The following MAP3K7CL variants were observed in gnomAD, a reference collection of about 807,000 sequenced individuals.
The protein encoded by MAP3K7CL is MAP3K7 C-terminal-like protein.
MAP3K7CL carries 16 observed loss-of-function variants against 18.6 expected under a neutral mutation model. That is an observed-to-expected ratio of 0.86 (90% CI 0.58 to 1.31). The LOEUF is 1.31. Among genes scored for constraint, MAP3K7CL ranks in the 50% most tolerant of loss-of-function variants. The pLI, the probability that MAP3K7CL is intolerant of heterozygous loss-of-function variation, is 0.00. For missense variants in MAP3K7CL, 163 were observed against 174.4 expected (o/e 0.93, Z 0.37); for synonymous variants, 65 against 66.8 (o/e 0.97, Z 0.13).
At chr21:29,118,225 C>T in intron 4 of MAP3K7CL, among the ~76,000 whole-genome samples, 1 of 142,336 alleles carries the variant, frequency 7.0e-6, no homozygotes, top group Non-Finnish European at 1.5e-5. Flanking sequence ...GCTGGGATTA[C>T]AGGTGCGTGC....
At chr21:29,152,214 T>C (rs897266222) in intron 3 of MAP3K7CL, among the ~76,000 whole-genome samples, 8 of 152,246 alleles carry the variant, frequency 5.3e-5, no homozygotes, top group Non-Finnish European at 1.2e-4. Context: ...CGTGAGTGAC[T>C]AAACAGCAAG....
intron 2 of MAP3K7CL, among the ~76,000 whole-genome samples, chr21:29,140,374 T>TA (rs2086979721): frequency 6.6e-6 from 1 of 151,998 alleles, no homozygotes; most frequent in South Asian, 2.1e-4. Flanking sequence ...TACTAAGGAG[T>TA]AGTGCTTTTA....
At chr21:29,159,882 G>A in intron 3 of MAP3K7CL, 59 bp from the exon 4 acceptor site, 1 of 1,362,470 alleles carries the variant, frequency 7.3e-7, no homozygotes, top group Non-Finnish European at 1.0e-6. Flanking sequence ...CGAGCAAAAT[G>A]GTTGGTAATT....
chr21:29,082,251 A>C (rs560528443), upstream of MAP3K7CL, among the ~76,000 whole-genome samples: 112 of 152,332 alleles, frequency 7.4e-4, no homozygotes, highest in Non-Finnish European at 1.8e-4. Flanking sequence ...AAGTTCAGGC[A>C]CTGCATTAGT....
intron 4 of MAP3K7CL, among the ~76,000 whole-genome samples, chr21:29,103,311 G>A (rs1468767805): frequency 6.6e-6 from 1 of 152,140 alleles, no homozygotes; most frequent in Admixed American, 6.5e-5. Context: ...AAGGTTCATG[G>A]CTGGGCATGG....
At chr21:29,130,624 C>T (rs1207729471), upstream of MAP3K7CL, 1 of 985,298 alleles carries the variant, frequency 1.0e-6, no homozygotes, top group East Asian at 1.1e-4. Flanking sequence ...TTCTTTTGCT[C>T]TTGCTTTTTC....
At chr21:29,082,251 A>G (rs560528443), upstream of MAP3K7CL, among the ~76,000 whole-genome samples, 1 of 152,216 alleles carries the variant, frequency 6.6e-6, no homozygotes. Flanking sequence ...AAGTTCAGGC[A>G]CTGCATTAGT....
chr21:29,092,133 G>A (rs1256868473), intron 3 of MAP3K7CL: 2 of 389,474 alleles, frequency 5.1e-6, no homozygotes, highest in African/African-American at 4.0e-5. Flanking sequence ...AATTCTAGAA[G>A]TGGTAGAAAT....
chr21:29,129,509 G>C (rs2086739768), upstream of MAP3K7CL, among the ~76,000 whole-genome samples: 1 of 152,072 alleles, frequency 6.6e-6, no homozygotes, highest in Non-Finnish European at 1.5e-5. Flanking sequence ...TCTTTTTGTG[G>C]CTTGATAGTT....
intron 4 of MAP3K7CL, among the ~76,000 whole-genome samples, chr21:29,093,649 T>A (rs2086069573): frequency 6.6e-6 from 1 of 151,594 alleles, no homozygotes; most frequent in African/African-American, 2.4e-5. Context: ...GCCGGGCTAA[T>A]TTTTTGTATT....
intron 4 of MAP3K7CL, among the ~76,000 whole-genome samples, chr21:29,114,801 T>C (rs1293616182): frequency 6.6e-6 from 1 of 152,170 alleles, no homozygotes; most frequent in Non-Finnish European, 1.5e-5. Flanking sequence ...CCTGGATTAA[T>C]GGGAATGTCT....
At chr21:29,162,775 G>A (rs183473566) in intron 4 of MAP3K7CL, among the ~76,000 whole-genome samples, 5 of 151,756 alleles carry the variant, frequency 3.3e-5, no homozygotes, top group African/African-American at 9.7e-5. Context: ...TACATTGAAA[G>A]CAATGATAAC....
intron 2 of MAP3K7CL, among the ~76,000 whole-genome samples, chr21:29,141,654 A>G (rs979806484): frequency 6.6e-6 from 1 of 152,170 alleles, no homozygotes; most frequent in Non-Finnish European, 1.5e-5. Context: ...ATGTTTATTA[A>G]TTTACAAAGT....
Position 29,175,431 on chromosome 21 carries a change from T to C in MAP3K7CL, c.*539T>C, listed in dbSNP as rs957832912. On this transcript the variant is annotated 3_prime_UTR_variant, in exon 5 of 5. Transcript: ENST00000399928. ...ATTTTTATCCTTCAATGATTGATTA[T>C]ACTAAGAATAAATGGTCACATATCC... 3 of 152,276 alleles carry C rather than the reference T, an allele frequency of 2.0e-5. No homozygotes were observed. The highest frequency in any genetic ancestry group is 7.2e-5 in the African/African-American group (3 of 41,474). 9.4% of individuals were successfully genotyped at this position (152,276 alleles called of 1,614,324 possible).
chr21:29,129,401 C>G (rs770157156), upstream of MAP3K7CL, among the ~76,000 whole-genome samples: 6 of 152,186 alleles, frequency 3.9e-5, no homozygotes, highest in Non-Finnish European at 8.8e-5. Flanking sequence ...CACAGTTTTA[C>G]CTTTTCTAGA....
intron 4 of MAP3K7CL, among the ~76,000 whole-genome samples, chr21:29,095,419 G>C (rs991422771): frequency 6.6e-6 from 1 of 152,160 alleles, no homozygotes; most frequent in Non-Finnish European, 1.5e-5. Flanking sequence ...TCCTCACCTA[G>C]AGCTGTTCCA....
chr21:29,082,266 G>A (rs1601112662), upstream of MAP3K7CL, among the ~76,000 whole-genome samples: 1 of 152,098 alleles, frequency 6.6e-6, no homozygotes, highest in African/African-American at 2.4e-5. Flanking sequence ...ATTAGTTAGC[G>A]ATTGTTGTGT....
intron 1 of MAP3K7CL, among the ~76,000 whole-genome samples, chr21:29,132,122 T>C (rs1173762382): frequency 2.0e-5 from 3 of 152,246 alleles, no homozygotes; most frequent in Non-Finnish European, 4.4e-5. Context: ...AAAAGTTAAA[T>C]ATATGTTTTT....
intron 1 of MAP3K7CL, among the ~76,000 whole-genome samples, chr21:29,087,063 CCAGCCA>C (rs1204270483): frequency 4.6e-5 from 7 of 152,268 alleles, no homozygotes; most frequent in Admixed American, 1.3e-4. Flanking sequence ...TTGCTCTGCC[CCAGCCA>C]CACTACCTTC....
Sources: allele counts gnomAD v4.1 joint callset (sites outside exome capture counted in the v4.1 genomes callset), GRCh38; gene constraint gnomAD v4.1.1; transcripts MANE v1.5; gene names NCBI Gene and HGNC (gene_info 2026-07-23, HGNC 2026-07-21).